PWWP3A: variants seen among roughly 807,000 people sequenced by gnomAD.
The protein encoded by PWWP3A is PWWP domain containing 3A, DNA repair factor, also known as PWWP domain-containing DNA repair factor 3A.
A neutral mutation model predicts 79.0 loss-of-function variants in PWWP3A; 53 were observed. That is an observed-to-expected ratio of 0.67 (90% CI 0.54 to 0.84). The LOEUF is 0.84. Among genes scored for constraint, PWWP3A ranks in the 40% least tolerant of loss-of-function variants. The pLI is 0.00. For missense variants in PWWP3A, 973 were observed against 948.0 expected, an observed-to-expected ratio of 1.03 and a Z score of -0.35; for synonymous variants, 443 against 394.4, an observed-to-expected ratio of 1.12 and a Z score of -1.46.
Position 1,368,523 on chromosome 19 carries a change from C to T in PWWP3A, c.1423-742C>T, listed in dbSNP as rs1464034475. On this transcript the variant is annotated intron_variant, in intron 9 of 13. Coordinates refer to ENST00000591337, the MANE Select transcript of PWWP3A (RefSeq NM_001369789.1). The surrounding 1 kb of genome is among the most constrained non-coding windows in gnomAD (Gnocchi z 4.7). ...TGGGCAGGCAGAGAGCGGCGTCCAC[C>T]CGGCCCTGGGATGTGCTTATGGGGT... Among the ~76,000 whole-genome samples the T allele has an allele frequency of 6.6e-6, 1 of 152,174 alleles. No individual in the cohort carries two copies. The highest frequency in any genetic ancestry group is 1.5e-5 in the Non-Finnish European group (1 of 68,034).
intron 3 of PWWP3A, 65 bp downstream of exon 3, chr19:1,357,159 A>G: frequency 8.0e-7 from 1 of 1,251,816 alleles, no homozygotes. Context: ...TCAATCCCCT[A>G]CTCCCCCAAA....
intron 13 of PWWP3A, 23 bp from the exon 14 acceptor site, chr19:1,376,496 A>T: frequency 6.2e-7 from 1 of 1,611,478 alleles, no homozygotes; most frequent in Non-Finnish European, 8.5e-7. Flanking sequence ...AATTACTAAA[A>T]TGAAGACTCT....
At chr19:1,375,635 TTATATAA>T (rs1234735761) in intron 13 of PWWP3A, among the ~76,000 whole-genome samples, 2 of 5,294 alleles carry the variant, frequency 3.8e-4, no homozygotes, top group East Asian at 0.022. Context: ...ATTTTATATA[TTATATAA>T]TATATAATTG....
intron 13 of PWWP3A, among the ~76,000 whole-genome samples, chr19:1,374,978 T>C (rs1292707025): frequency 1.3e-5 from 2 of 151,878 alleles, no homozygotes; most frequent in Non-Finnish European, 2.9e-5. Flanking sequence ...CCCAGCACTT[T>C]GGGAGGCCGA....
At chr19:1,366,831 G>T (rs895783263) in intron 8 of PWWP3A, among the ~76,000 whole-genome samples, 4 of 152,264 alleles carry the variant, frequency 2.6e-5, no homozygotes, top group African/African-American at 7.2e-5. Context: ...TAGAACCATC[G>T]CATTGCATAT....
At chr19:1,375,508 T>A (rs1283634077) in intron 13 of PWWP3A, among the ~76,000 whole-genome samples, 1 of 118,470 alleles carries the variant, frequency 8.4e-6, no homozygotes, top group Non-Finnish European at 1.7e-5. Context: ...ATTTTATATA[T>A]AATATATAAA....
chr19:1,363,328 A>G (rs906836364), intron 6 of PWWP3A, among the ~76,000 whole-genome samples: 3 of 152,120 alleles, frequency 2.0e-5, no homozygotes, highest in Non-Finnish European at 4.4e-5. Context: ...ACAGTTTTCC[A>G]CATGCTCTTC....
At chr19:1,375,489 AATATATAAATTTT>A (rs2082348363) in intron 13 of PWWP3A, among the ~76,000 whole-genome samples, 1 of 130,166 alleles carries the variant, frequency 7.7e-6, no homozygotes, top group Admixed American at 9.0e-5. Context: ...TATTATATAA[AATATATAAATTTT>A]ATATATAATA....
intron 6 of PWWP3A, among the ~76,000 whole-genome samples, chr19:1,363,922 A>T (rs1272178494): frequency 1.3e-5 from 2 of 152,144 alleles, no homozygotes; most frequent in Non-Finnish European, 2.9e-5. Context: ...CTAACGACAG[A>T]CTGTTTCCAG....
intron 5 of PWWP3A, among the ~76,000 whole-genome samples, chr19:1,361,295 C>T (rs917797514): frequency 2.4e-4 from 36 of 152,188 alleles, no homozygotes; most frequent in African/African-American, 8.2e-4. Context: ...AGAGGGGCGG[C>T]GGGCCACGAT....
At position 1,376,611 on chromosome 19, in the gene PWWP3A, C is replaced by T. The variant is rs1306271176; in HGVS notation, c.*35C>T. On this transcript the variant is annotated 3_prime_UTR_variant, in exon 14 of 14. Transcript: ENST00000591337. ...CGGCTGTGCTGTCAGCGGGGCCTGG[C>T]GGTGGAAGCGCCTCCAGTGTGCATG... is the stretch of plus-strand genomic sequence containing the variant. The T allele has an allele frequency of 6.2e-6, 10 of 1,609,960 alleles. No homozygotes were observed. The East Asian group carries it at 1.3e-4, about 22-fold the overall frequency.
At chr19:1,365,619 G>A (rs927593112) in intron 7 of PWWP3A, among the ~76,000 whole-genome samples, 5 of 152,246 alleles carry the variant, frequency 3.3e-5, no homozygotes, top group Non-Finnish European at 7.3e-5. Flanking sequence ...ACTGGCCGGC[G>A]GAGATGGAGG....
chr19:1,356,914 T>C (rs1198116170), intron 2 of PWWP3A, 95 bp from the exon 3 acceptor site: 2 of 960,484 alleles, frequency 2.1e-6, no homozygotes, highest in Admixed American at 2.3e-5. Flanking sequence ...GTTATAGGCC[T>C]TCAGGATTAC....
intron 9 of PWWP3A, among the ~76,000 whole-genome samples, chr19:1,367,652 A>G (rs1218885024): frequency 6.6e-6 from 1 of 152,212 alleles, no homozygotes; most frequent in East Asian, 1.9e-4. Context: ...TGGGCGCTCA[A>G]GTGCTGCAGT....
Position 1,369,223 on chromosome 19 carries a change from C to G in PWWP3A, c.1423-42C>G, listed in dbSNP as rs939378696. 6.3e-7 allele frequency: 1 copy of G among 1,599,056 alleles called. No homozygotes were observed. Among genetic ancestry groups the G allele is most frequent in the Non-Finnish European group, 8.6e-7 (1 of 1,167,544 alleles). Reference sequence around the variant, plus strand: ...TGGCTTCTGAACCCAGGGTGCTTGGCACTGCCTCCCACTGACGCCTGCTGC... The same window carrying G: ...TGGCTTCTGAACCCAGGGTGCTTGGGACTGCCTCCCACTGACGCCTGCTGC... On this transcript the variant is annotated intron_variant, in intron 9 of 13. Coordinates refer to ENST00000591337, the MANE Select transcript of PWWP3A (RefSeq NM_001369789.1). This position sits in a 1 kb window ranked among gnomAD's most constrained non-coding sequence, Gnocchi z 4.0.
intron 1 of PWWP3A, among the ~76,000 whole-genome samples, chr19:1,355,919 C>A (rs1216129972): frequency 6.6e-6 from 1 of 152,042 alleles, no homozygotes; most frequent in Non-Finnish European, 1.5e-5. Flanking sequence ...GTCGTTTTTC[C>A]GCTCTTATTT....
intron 11 of PWWP3A, among the ~76,000 whole-genome samples, chr19:1,370,235 C>T (rs1183185018): frequency 3.9e-5 from 6 of 152,130 alleles, no homozygotes; most frequent in African/African-American, 1.2e-4. Flanking sequence ...GACCTGGTCT[C>T]AAAAAGAGAA....
chr19:1,376,568 C>A lies in PWWP3A; in HGVS notation c.2125C>A (p.Arg709Ser), dbSNP rs149769533. 1.2e-6 allele frequency: 2 copies of A among 1,613,496 alleles called. No individual in the cohort carries two copies. Among genetic ancestry groups the A allele is most frequent in the South Asian group, 2.2e-5 (2 of 91,056 alleles). The change falls in exon 14 of 14, where the codon CGT becomes AGT. Residue 709 changes from arginine to serine, a missense_variant. Transcript: ENST00000591337. ...GCTCCTTGAAGAGCGGAACCGGCGC[C>A]GTCGGTGAGGGAGCAGCCGGCTGTG... Reference protein sequence around the residue: ...NQLLEERNRRRR With the variant: ...NQLLEERNRRSR
intron 4 of PWWP3A, 151 bp from the exon 5 acceptor site, chr19:1,359,985 A>G (rs2081973053): frequency 2.7e-6 from 2 of 732,566 alleles, no homozygotes; most frequent in South Asian, 3.3e-5. Context: ...TTTTTGGGAA[A>G]ATGTAGGTGA....
Sources: allele counts gnomAD v4.1 joint callset (sites outside exome capture counted in the v4.1 genomes callset), GRCh38; gene constraint gnomAD v4.1.1; non-coding constraint Gnocchi (gnomAD v3.1); transcripts MANE v1.5; gene names NCBI Gene and HGNC (gene_info 2026-07-23, HGNC 2026-07-21).